ARID5A: variants seen among roughly 807,000 people sequenced by gnomAD.
ARID5A encodes the protein AT-rich interactive domain-containing protein 5A.
ARID5A carries 14 observed loss-of-function variants against 30.5 expected under a neutral mutation model. The ratio of observed to expected loss-of-function variants is 0.46; its 90% CI spans 0.30 to 0.72. ARID5A has a LOEUF of 0.72. ARID5A is among the 30% of genes least tolerant of loss of function. The probability of loss-of-function intolerance (pLI) is 0.07; values close to 1 mark genes in which losing one functional copy is unlikely to be tolerated. For missense variants in ARID5A, 669 were observed against 786.2 expected, an observed-to-expected ratio of 0.85 and a Z score of 1.78; for synonymous variants, 338 against 340.4, an observed-to-expected ratio of 0.99 and a Z score of 0.08.
At chr2:96,538,238 C>T (rs1450820964) in intron 1 of ARID5A, 5 of 985,512 alleles carry the variant, frequency 5.1e-6, no homozygotes, top group Non-Finnish European at 6.0e-6. Context: ...TCTCACTGTC[C>T]GTCACCACCA....
In ARID5A at chr2:96,551,648, C is replaced by T. The variant is rs756273300; in HGVS notation, c.1120C>T (p.Pro374Ser). ...ACTTAAAGATGGGGTGCTATTGGGG[C>T]CTCCTGGCAAAGAGGGGCTGTCAGT... ...SRLKDGVLLG[P>S]PGKEGLSVKE... Residue 374 changes from proline (P) to serine (S), a missense_variant, in exon 7 of 7, where the codon CCT becomes TCT. Physicochemically the swap from Pro to Ser is moderately conservative, Grantham distance 74. Transcript: ENST00000357485. 1.3e-6 allele frequency: 2 copies of T among 1,525,272 alleles called. No individual in the cohort carries two copies. Among genetic ancestry groups the T allele is most frequent in the East Asian group, 2.3e-5 (1 of 44,104 alleles). 94.5% of individuals were successfully genotyped at this position (1,525,272 alleles called of 1,614,324 possible).
chr2:96,545,925 G>T (rs767103334), intron 1 of ARID5A, among the ~76,000 whole-genome samples: 88 of 151,936 alleles, frequency 5.8e-4, no homozygotes, highest in Non-Finnish European at 1.0e-3. Context: ...CTGCACTCCA[G>T]CCTGGGCAAC....
In ARID5A at chr2:96,549,926, C is replaced by A; in HGVS notation, c.312+121C>A. ...CCCCAGTCCTACCCCTGCGTCCCTGCCTCCCTGCCTTCCCCGCTGGTACTC... is the reference window on the plus strand; with the variant it reads ...CCCCAGTCCTACCCCTGCGTCCCTGACTCCCTGCCTTCCCCGCTGGTACTC... On this transcript the variant is annotated intron_variant, in intron 4 of 6. Transcript: ENST00000357485. The surrounding 1 kb of genome is among the most constrained non-coding windows in gnomAD (Gnocchi z 6.1). 1 of 1,528,846 alleles carries A rather than the reference C, an allele frequency of 6.5e-7. No individual in the cohort carries two copies. The highest frequency in any genetic ancestry group is 1.3e-5 in the South Asian group (1 of 79,768). The allele number at this position is 1,528,846 out of a possible 1,614,324, so 94.7% of individuals were successfully genotyped here.
rs374017831 is a variant in ARID5A at position 96,552,016 on chromosome 2, C to G, written c.1488C>G (p.Pro496=). The change falls in exon 7 of 7, where the codon CCC becomes CCG. Residue 496 remains proline, a synonymous_variant. Coordinates refer to ENST00000357485, the MANE Select transcript of ARID5A (RefSeq NM_212481.3). ...TGGGCCCAGCCCTGGGGCCTGTGCC[C>G]CCAGAGGCCTACAGGGGCACCATGC... ...CLLGPALGPV[P]PEAYRGTMLH... The G allele has an allele frequency of 2.2e-4, 334 of 1,528,006 alleles. 5 individuals are homozygous for G. In the South Asian group the frequency reaches 4.0e-3, roughly 18 times the overall value. The allele number at this position is 1,528,006 out of a possible 1,614,324, so 94.7% of individuals were successfully genotyped here. A position where few individuals can be genotyped will look rare whatever the true frequency, so the allele number is the denominator to read the frequency against.
Position 96,551,280 on chromosome 2 carries a change from C to G in ARID5A, c.752C>G (p.Thr251Arg). Residue 251 changes from threonine (T) to arginine (R), a missense_variant, in exon 7 of 7, where the codon ACA becomes AGA. Transcript: ENST00000357485. ...CTATCCAGCTTCTACTGCAAGGGGACACACGGCATCATGTCACCACTGGCC... is the reference window on the plus strand; with the variant it reads ...CTATCCAGCTTCTACTGCAAGGGGAGACACGGCATCATGTCACCACTGGCC... The part of the protein sequence containing the change: ...RLLSSFYCKG[T>R]HGIMSPLAKK... 1 of 1,613,922 alleles carries G rather than the reference C, an allele frequency of 6.2e-7. No individual in the cohort carries two copies. Among genetic ancestry groups the G allele is most frequent in the Non-Finnish European group, 8.5e-7 (1 of 1,180,012 alleles).
Position 96,550,513 on chromosome 2 carries a change from C to G in ARID5A, c.411-61C>G. 1 of 1,526,394 alleles carries G rather than the reference C, an allele frequency of 6.6e-7. No individual in the cohort carries two copies. 94.6% of individuals were successfully genotyped at this position (1,526,394 alleles called of 1,614,324 possible). A position where few individuals can be genotyped will look rare whatever the true frequency, so the allele number is the denominator to read the frequency against. Reference sequence around the variant, plus strand: ...GGGGAAGGGGGCTCAGAGGAGGCTACAGAGGCCCAGGGAGGGGATGGGCGC... The same window carrying G: ...GGGGAAGGGGGCTCAGAGGAGGCTAGAGAGGCCCAGGGAGGGGATGGGCGC... On this transcript the variant is annotated intron_variant, in intron 5 of 6. Coordinates refer to ENST00000357485, the MANE Select transcript of ARID5A (RefSeq NM_212481.3). The surrounding 1 kb of genome is among the most constrained non-coding windows in gnomAD (Gnocchi z 6.6).
chr2:96,550,460 C>G lies in ARID5A; in HGVS notation c.411-114C>G. The G allele has an allele frequency of 1.5e-5, 22 of 1,450,028 alleles. No homozygotes were observed. The highest frequency in any genetic ancestry group is 1.9e-5 in the Non-Finnish European group (21 of 1,100,132). 89.8% of individuals were successfully genotyped at this position (1,450,028 alleles called of 1,614,324 possible). A position where few individuals can be genotyped will look rare whatever the true frequency, so the allele number is the denominator to read the frequency against. ...CACTGAGGGAGCTGAAGCTTTGGGACCAGGAGAGGGCCTTCCTCGGCGCCG... is the reference window on the plus strand; with the variant it reads ...CACTGAGGGAGCTGAAGCTTTGGGAGCAGGAGAGGGCCTTCCTCGGCGCCG... On this transcript the variant is annotated intron_variant, in intron 5 of 6. Transcript: ENST00000357485. The surrounding 1 kb of genome is among the most constrained non-coding windows in gnomAD (Gnocchi z 6.6).
At chr2:96,543,187 C>T (rs1054429505) in intron 1 of ARID5A, among the ~76,000 whole-genome samples, 1 of 152,198 alleles carries the variant, frequency 6.6e-6, no homozygotes, top group Non-Finnish European at 1.5e-5. Context: ...CCACAGCAGC[C>T]ACTGGACCAG....
chr2:96,543,567 T>C (rs1273696239), intron 1 of ARID5A, among the ~76,000 whole-genome samples: 1 of 152,214 alleles, frequency 6.6e-6, no homozygotes, highest in South Asian at 2.1e-4. Flanking sequence ...TGTCATTGTT[T>C]TGGGGTACCA....
At position 96,552,561 on chromosome 2, in the gene ARID5A, C is replaced by T. The variant is rs1329447464; in HGVS notation, c.*248C>T. The T allele has an allele frequency of 1.3e-6, 2 of 1,521,762 alleles. No individual in the cohort carries two copies. Among genetic ancestry groups the T allele is most frequent in the African/African-American group, 1.4e-5 (1 of 72,670 alleles). The allele number at this position is 1,521,762 out of a possible 1,614,324, so 94.3% of individuals were successfully genotyped here. A position where few individuals can be genotyped will look rare whatever the true frequency, so the allele number is the denominator to read the frequency against. On this transcript the variant is annotated 3_prime_UTR_variant, in exon 7 of 7. Transcript: ENST00000357485. The stretch of plus-strand genomic sequence containing the variant: ...GCTGGGAGAGGATGGGCAGCTCCCA[C>T]TGCCCCAGAGCGGAGCTCGAAGCAC...
At position 96,547,405 on chromosome 2, in the gene ARID5A, C is replaced by T. The variant is rs1056888906; in HGVS notation, c.8C>T (p.Ala3Val). MA[A>V]PVKGNRKQST... The stretch of plus-strand genomic sequence containing the variant: ...CTCCTTCCCTCTCTCCTTGCAGCAG[C>T]CCCTGTCAAAGGGAACAGGAAGCAG... Residue 3 changes from alanine to valine, a missense_variant, in exon 2 of 7, where the codon GCC becomes GTC. Ala to Val is a moderately conservative substitution (Grantham distance 64). Around this residue, in one of 4 missense-constraint regions of ARID5A, gnomAD observed 56 missense variants for 72.8 expected, o/e 0.77. Coordinates refer to ENST00000357485, the MANE Select transcript of ARID5A (RefSeq NM_212481.3). 2 of 1,613,492 alleles carry T rather than the reference C, an allele frequency of 1.2e-6. No homozygotes were observed. The highest frequency in any genetic ancestry group is 1.3e-5 in the African/African-American group (1 of 74,990).
chr2:96,549,971 T>G lies in ARID5A; in HGVS notation c.312+166T>G, dbSNP rs1245939784. 8 of 1,533,368 alleles carry G rather than the reference T, an allele frequency of 5.2e-6. No individual in the cohort carries two copies. Among genetic ancestry groups the G allele is most frequent in the Non-Finnish European group, 7.0e-6 (8 of 1,142,718 alleles). The allele number at this position is 1,533,368 out of a possible 1,614,324, so 95.0% of individuals were successfully genotyped here. The stretch of plus-strand genomic sequence containing the variant: ...GTACTCTGCTGCTCAAAGCAGCTTT[T>G]CAGCCTTCCCCATCTGTTCTGCCCG... On this transcript the variant is annotated intron_variant, in intron 4 of 6. Coordinates refer to ENST00000357485, the MANE Select transcript of ARID5A (RefSeq NM_212481.3). The surrounding 1 kb of genome is among the most constrained non-coding windows in gnomAD (Gnocchi z 6.1).
rs766961164 is a variant in ARID5A at position 96,547,408 on chromosome 2, C to T, written c.11C>T (p.Pro4Leu). 2 of 1,613,842 alleles carry T rather than the reference C, an allele frequency of 1.2e-6. No homozygotes were observed. Among genetic ancestry groups the T allele is most frequent in the Admixed American group, 1.7e-5 (1 of 60,002 alleles). The stretch of plus-strand genomic sequence containing the variant: ...CTTCCCTCTCTCCTTGCAGCAGCCC[C>T]TGTCAAAGGGAACAGGAAGCAGTCC... MAA[P>L]VKGNRKQSTE... Residue 4 changes from proline (P) to leucine (L), a missense_variant, in exon 2 of 7, where the codon CCT (proline) becomes CTT (leucine). This residue lies in a region of ARID5A where 56 missense variants were observed against 72.8 expected (regional missense o/e 0.77). Transcript: ENST00000357485.
intron 1 of ARID5A, among the ~76,000 whole-genome samples, chr2:96,546,962 C>T (rs947643985): frequency 6.6e-6 from 1 of 152,144 alleles, no homozygotes; most frequent in Non-Finnish European, 1.5e-5. Flanking sequence ...ACCCCGGCCT[C>T]CTGTGACTTG....
intron 1 of ARID5A, among the ~76,000 whole-genome samples, chr2:96,542,332 G>A (rs1253774031): frequency 1.3e-5 from 2 of 152,190 alleles, no homozygotes; most frequent in African/African-American, 4.8e-5. Flanking sequence ...TTCATCTGGG[G>A]ACTCAGCTGG....
rs1558619433 is a variant in ARID5A at position 96,549,810 on chromosome 2, G to A, written c.312+5G>A. 6.2e-7 allele frequency: 1 copy of A among 1,612,296 alleles called. No individual in the cohort carries two copies. The highest frequency in any genetic ancestry group is 2.2e-5 in the East Asian group (1 of 44,878). ...AAGCTGGGGGCCTATGAGCTGGTAAGGAAGGCACCTCCCAGTCCTTGCCAA... is the reference window on the plus strand; with the variant it reads ...AAGCTGGGGGCCTATGAGCTGGTAAAGAAGGCACCTCCCAGTCCTTGCCAA... On this transcript the variant is annotated splice_donor_5th_base_variant and intron_variant, in intron 4 of 6. Transcript: ENST00000357485. The surrounding 1 kb of genome is among the most constrained non-coding windows in gnomAD (Gnocchi z 6.1).
In ARID5A at chr2:96,550,206, T is replaced by C; in HGVS notation, c.331T>C (p.Trp111Arg). 1 of 1,534,956 alleles carries C rather than the reference T, an allele frequency of 6.5e-7. No individual in the cohort carries two copies. The highest frequency in any genetic ancestry group is 2.0e-5 in the Admixed American group (1 of 49,896). ...CTTGCAGGTGACCGGGCGCCGCCTC[T>C]GGAAGAACGTGTACGACGAGCTGGG... is the stretch of plus-strand genomic sequence containing the variant. ...AYELVTGRRL[W>R]KNVYDELGGS... Residue 111 changes from tryptophan (W) to arginine (R), a missense_variant, in exon 5 of 7, where the codon TGG becomes CGG. Trp to Arg is a moderately radical substitution (Grantham distance 101). Transcript: ENST00000357485. The surrounding 1 kb of genome is among the most constrained non-coding windows in gnomAD (Gnocchi z 6.6).
rs547207717 is a variant in ARID5A at position 96,550,964 on chromosome 2, C to G, written c.571-135C>G. 76 of 1,258,292 alleles carry G rather than the reference C, an allele frequency of 6.0e-5. No individual in the cohort carries two copies. The East Asian group carries it at 1.5e-3, about 25-fold the overall frequency. The allele number at this position is 1,258,292 out of a possible 1,614,324, so 77.9% of individuals were successfully genotyped here. On this transcript the variant is annotated intron_variant, in intron 6 of 6. Transcript: ENST00000357485. This position sits in a 1 kb window ranked among gnomAD's most constrained non-coding sequence, Gnocchi z 6.6. The stretch of plus-strand genomic sequence containing the variant: ...CTGTGTCCACTCAGAGGACAGGGCA[C>G]CTTTGGAAAATTCTGTACAGAGGAC...
chr2:96,550,689 A>G lies in ARID5A; in HGVS notation c.526A>G (p.Thr176Ala), dbSNP rs989764612. The G allele has an allele frequency of 2.5e-6, 4 of 1,598,582 alleles. No individual in the cohort carries two copies. Among genetic ancestry groups the G allele is most frequent in the Admixed American group, 3.5e-5 (2 of 57,840 alleles). The change falls in exon 6 of 7, where the codon ACC (threonine) becomes GCC (alanine). Residue 176 changes from threonine (T) to alanine (A), a missense_variant. Physicochemically the swap from Thr to Ala is moderately conservative, Grantham distance 58. Coordinates refer to ENST00000357485, the MANE Select transcript of ARID5A (RefSeq NM_212481.3). This position sits in a 1 kb window ranked among gnomAD's most constrained non-coding sequence, Gnocchi z 6.6. ...GGAGAACAGGGGGGATGATGGGGCC[A>G]CCGAGAGGCCGAAGAAGGCCAAGGA... Reference protein sequence around the residue: ...AKENRGDDGATERPKKAKEER... With the variant: ...AKENRGDDGAAERPKKAKEER...
Sources: allele counts gnomAD v4.1 joint callset (sites outside exome capture counted in the v4.1 genomes callset), GRCh38; gene constraint gnomAD v4.1.1; regional missense constraint gnomAD v4.1.1; non-coding constraint Gnocchi (gnomAD v3.1); transcripts MANE v1.5; gene names NCBI Gene and HGNC (gene_info 2026-07-23, HGNC 2026-07-21).